COL12A1: variants seen among roughly 807,000 people sequenced by gnomAD.
COL12A1 encodes collagen alpha-1(XII) chain.
Under a neutral mutation model 349.7 loss-of-function variants are expected in COL12A1, and 114 were observed. That is an observed-to-expected ratio of 0.33 (90% confidence interval 0.28 to 0.38). COL12A1 has a LOEUF of 0.38. COL12A1 is among the 10% of genes least tolerant of loss of function. The probability of loss-of-function intolerance (pLI) is 1.00; values close to 1 mark genes in which losing one functional copy is unlikely to be tolerated. For missense variants in COL12A1, 3,284 were observed against 3,756.9 expected, an observed-to-expected ratio of 0.87 and a Z score of 3.29; for synonymous variants, 1,369 against 1,329.0, an observed-to-expected ratio of 1.03 and a Z score of -0.66.
chr6:75,142,311 G>GTGTCCAGTTTCT, intron 26 of COL12A1, 150 bp from the exon 27 acceptor site: 6 of 890,744 alleles, frequency 6.7e-6, no homozygotes, highest in Non-Finnish European at 1.0e-5. Flanking sequence ...TCCAGAAACT[G>GTGTCCAGTTTCT]GACACAGTTT....
chr6:75,088,708 A>C (rs1767618095), intron 64 of COL12A1, among the ~76,000 whole-genome samples: 1 of 152,076 alleles, frequency 6.6e-6, no homozygotes, highest in African/African-American at 2.4e-5. Context: ...TGCTATAATA[A>C]CAGGATGAAG....
chr6:75,133,462 A>T (rs1240798640), intron 33 of COL12A1, 40 bp from the exon 34 acceptor site: 1 of 1,578,978 alleles, frequency 6.3e-7, no homozygotes, highest in Non-Finnish European at 8.6e-7. Context: ...GACTTGAAAA[A>T]TTTGTGAAAG....
intron 64 of COL12A1, 26 bp downstream of exon 64, chr6:75,089,080 C>T (rs1404143678): frequency 1.9e-6 from 3 of 1,550,116 alleles, no homozygotes; most frequent in Admixed American, 1.7e-5. Flanking sequence ...ATAGTCTTTG[C>T]CTGTTTAAAA....
intron 25 of COL12A1, among the ~76,000 whole-genome samples, chr6:75,144,132 C>T (rs552235398): frequency 6.6e-6 from 1 of 152,202 alleles, no homozygotes; most frequent in South Asian, 2.1e-4. Flanking sequence ...TCTTGTGTAT[C>T]TCTCTCTGCC....
intron 2 of COL12A1, among the ~76,000 whole-genome samples, chr6:75,198,783 C>T (rs1407514798): frequency 1.3e-5 from 2 of 152,062 alleles, no homozygotes; most frequent in Non-Finnish European, 2.9e-5. Flanking sequence ...GGTAAGTATA[C>T]ATAATGCGCT....
At chr6:75,175,013 T>A in intron 13 of COL12A1, 25 bp downstream of exon 13, 1 of 1,610,524 alleles carries the variant, frequency 6.2e-7, no homozygotes, top group Non-Finnish European at 8.5e-7. Flanking sequence ...GTTCCTGGAT[T>A]TTCAGAAAAT....
At position 75,095,196 on chromosome 6, in the gene COL12A1, G is replaced by A; in HGVS notation, c.8578-17C>T. On this transcript the variant is annotated splice_polypyrimidine_tract_variant and intron_variant, in intron 59 of 65. Coordinates refer to ENST00000322507, the MANE Select transcript of COL12A1 (RefSeq NM_004370.6). ...TGGGCTTCCCTACAACACATGGAAA[G>A]GGAAGGGGACTGTTATGACAAAGGG... 6.2e-7 allele frequency: 1 copy of A among 1,604,142 alleles called. No homozygotes were observed. The highest frequency in any genetic ancestry group is 1.3e-5 in the African/African-American group (1 of 74,760).
At chr6:75,161,287 A>G (rs148504011) in intron 14 of COL12A1, among the ~76,000 whole-genome samples, 35 of 152,336 alleles carry the variant, frequency 2.3e-4, no homozygotes, top group African/African-American at 7.7e-4. Flanking sequence ...AGAACTTGTT[A>G]ACTTTAAATC....
chr6:75,137,009 C>CA (rs1766642940), intron 31 of COL12A1, among the ~76,000 whole-genome samples: 3 of 151,564 alleles, frequency 2.0e-5, no homozygotes, highest in Admixed American at 2.0e-4. Flanking sequence ...CTATGACATG[C>CA]AAAAAACAGG....
intron 2 of COL12A1, 68 bp downstream of exon 2, chr6:75,202,652 G>C (rs757297085): frequency 1.4e-6 from 2 of 1,453,674 alleles, no homozygotes; most frequent in Non-Finnish European, 9.4e-7. Flanking sequence ...ATAGAAGCAA[G>C]AAAGATGTGT....
rs199654252 is a variant in COL12A1 at position 75,124,261 on chromosome 6, C to T, written c.6718G>A (p.Ala2240Thr). 5.8e-5 allele frequency: 93 copies of T among 1,612,964 alleles called. No homozygotes were observed. Among genetic ancestry groups the T allele is most frequent in the Admixed American group, 4.7e-4 (28 of 59,910 alleles). ...ATSYRLKLSP[A>T]DGTRGQEITV... The stretch of plus-strand genomic sequence containing the variant: ...TTCTTTTTTACACACATACCATCTG[C>T]AGGGCTTAGTTTTAGCCTGTAGGAG... Residue 2240 changes from alanine to threonine, a missense_variant, in exon 41 of 66, where the codon GCA becomes ACA. Ala to Thr is a moderately conservative substitution (Grantham distance 58). This residue lies in a region of COL12A1 where 2,601 missense variants were observed against 2,824.8 expected (regional missense o/e 0.92). Coordinates refer to ENST00000322507, the MANE Select transcript of COL12A1 (RefSeq NM_004370.6).
At chr6:75,197,000 T>C (rs1032167280) in intron 2 of COL12A1, among the ~76,000 whole-genome samples, 29 of 152,168 alleles carry the variant, frequency 1.9e-4, no homozygotes, top group African/African-American at 6.8e-4. Flanking sequence ...AGAATCAAAG[T>C]AGAAAAGAAT....
chr6:75,169,706 T>C (rs2149444396), intron 13 of COL12A1, among the ~76,000 whole-genome samples: 1 of 152,338 alleles, frequency 6.6e-6, no homozygotes, highest in East Asian at 1.9e-4. Flanking sequence ...ATAGAAATTC[T>C]GGCAATCATT....
rs36002196 is a variant in COL12A1 at position 75,126,367 on chromosome 6, T to A, written c.6444A>T (p.Ile2148=). ...CTTCCTTACCCACTGGCTTATATAC[T>A]ATTTTATATCCAAGAACTGGAGAAG... The part of the protein sequence containing the change: ...PSPSPVLGYK[I]VYKPVGSNEP... Residue 2148 remains isoleucine, a synonymous_variant, in exon 39 of 66, where the codon ATA becomes ATT. Coordinates refer to ENST00000322507, the MANE Select transcript of COL12A1 (RefSeq NM_004370.6). 5,119 of 1,610,398 alleles carry A rather than the reference T, an allele frequency of 3.2e-3. 129 individuals are homozygous for A. In the African/African-American group the frequency reaches 0.059, roughly 19 times the overall value.
chr6:75,179,914 C>T (rs1488432423), intron 11 of COL12A1, among the ~76,000 whole-genome samples: 1 of 152,186 alleles, frequency 6.6e-6, no homozygotes. Context: ...CTGCTTAAAA[C>T]ATTTGGCAAA....
chr6:75,137,407 T>A (rs1766670963), intron 31 of COL12A1, 30 bp downstream of exon 31: 1 of 1,534,508 alleles, frequency 6.5e-7, no homozygotes, highest in Non-Finnish European at 8.8e-7. Context: ...GTAGAATTAA[T>A]CCAAGTTATA....
At chr6:75,120,898 G>T (rs1181597334) in intron 44 of COL12A1, among the ~76,000 whole-genome samples, 1 of 152,148 alleles carries the variant, frequency 6.6e-6, no homozygotes, top group Non-Finnish European at 1.5e-5. Flanking sequence ...GATAGAGGCA[G>T]CAAGTTCCAC....
At chr6:75,151,075 A>ACT in intron 21 of COL12A1, 66 bp downstream of exon 21, 1 of 284,116 alleles carries the variant, frequency 3.5e-6, no homozygotes, top group East Asian at 1.0e-4. Flanking sequence ...CCCCCACCCA[A>ACT]AAGAATAATT....
chr6:75,178,618 CA>C (rs1393088949), intron 11 of COL12A1, among the ~76,000 whole-genome samples: 1 of 152,160 alleles, frequency 6.6e-6, no homozygotes, highest in African/African-American at 2.4e-5. Flanking sequence ...GTTTAGTAAA[CA>C]TGTTTAAATG....
Sources: gnomAD v4.1 joint callset for allele counts (sites outside exome capture counted in the v4.1 genomes callset) on GRCh38, gnomAD v4.1.1 for gene constraint, gnomAD v4.1.1 regional missense constraint, MANE v1.5 for transcripts, NCBI Gene and HGNC (gene_info 2026-07-23, HGNC 2026-07-21) for gene names.